Variants in FBXW12 observed in about 807,000 individuals in gnomAD.
FBXW12 encodes the protein F-box/WD repeat-containing protein 12.
In FBXW12, 43 loss-of-function variants were observed where a neutral mutation model predicts 55.3. The ratio of observed to expected loss-of-function variants is 0.78; its 90% CI spans 0.61 to 1.00. The LOEUF (loss-of-function observed/expected upper bound fraction) is 1.00. Among genes scored for constraint, FBXW12 ranks in the 50% least tolerant of loss-of-function variants. The probability of loss-of-function intolerance (pLI) is 0.00; values close to 1 mark genes in which losing one functional copy is unlikely to be tolerated. For missense variants in FBXW12, 524 were observed against 560.5 expected, an observed-to-expected ratio of 0.93 and a Z score of 0.66; for synonymous variants, 184 against 203.8, an observed-to-expected ratio of 0.90 and a Z score of 0.83.
intron 10 of FBXW12, among the ~76,000 whole-genome samples, chr3:48,386,600 A>C (rs2036851980): frequency 6.6e-6 from 1 of 152,190 alleles, no homozygotes; most frequent in Admixed American, 6.5e-5. Flanking sequence ...TTTTAACAAT[A>C]TTCTTCCAAT....
At position 48,379,439 on chromosome 3, in the gene FBXW12, C is replaced by A; in HGVS notation, c.655C>A (p.Pro219Thr). Residue 219 changes from proline to threonine, a missense_variant, in exon 7 of 11, where the codon CCT (proline) becomes ACT (threonine). Coordinates refer to ENST00000296438, the MANE Select transcript of FBXW12 (RefSeq NM_207102.2). ...AAGDIYTFTL[P>T]GLRDVSKVTA... Reference sequence around the variant, plus strand: ...AGGTGACATCTACACATTTACACTGCCTGGGTTAAGAGATGTTTCTAAAGT... The same window carrying A: ...AGGTGACATCTACACATTTACACTGACTGGGTTAAGAGATGTTTCTAAAGT... The A allele has an allele frequency of 6.2e-7, 1 of 1,614,100 alleles. No homozygotes were observed. The highest frequency in any genetic ancestry group is 8.5e-7 in the Non-Finnish European group (1 of 1,179,974).
At chr3:48,390,657 G>A (rs1332816462) in intron 10 of FBXW12, among the ~76,000 whole-genome samples, 2 of 151,272 alleles carry the variant, frequency 1.3e-5, no homozygotes, top group Non-Finnish European at 3.0e-5. Context: ...CAAGTGATCC[G>A]CCTGCCTCAG....
intron 10 of FBXW12, among the ~76,000 whole-genome samples, chr3:48,387,184 T>G (rs2036858658): frequency 6.6e-6 from 1 of 152,152 alleles, no homozygotes; most frequent in Non-Finnish European, 1.5e-5. Context: ...TTATCTATTT[T>G]ATGATGGGTG....
intron 2 of FBXW12, 50 bp from the exon 3 acceptor site, chr3:48,373,258 C>T (rs1462436718): frequency 6.2e-7 from 1 of 1,613,950 alleles, no homozygotes; most frequent in Non-Finnish European, 8.5e-7. Context: ...ATTACCCTTG[C>T]TCTCTGATGT....
intron 4 of FBXW12, 101 bp from the exon 5 acceptor site, chr3:48,375,253 A>G: frequency 1.3e-6 from 1 of 789,580 alleles, no homozygotes; most frequent in Non-Finnish European, 2.1e-6. Flanking sequence ...ATTGTTACCC[A>G]AACCTTCCTA....
intron 10 of FBXW12, among the ~76,000 whole-genome samples, chr3:48,387,361 T>C (rs1479548613): frequency 6.6e-6 from 1 of 152,108 alleles, no homozygotes; most frequent in Non-Finnish European, 1.5e-5. Flanking sequence ...GTTTTGGTTT[T>C]GGTTTTGTAT....
intron 7 of FBXW12, among the ~76,000 whole-genome samples, chr3:48,380,334 G>C (rs569654244): frequency 6.6e-6 from 1 of 152,158 alleles, no homozygotes; most frequent in Admixed American, 6.5e-5. Context: ...CTGGTGGACT[G>C]GGCACCAAAG....
chr3:48,385,957 C>T (rs1190118291), intron 10 of FBXW12, among the ~76,000 whole-genome samples: 1 of 152,080 alleles, frequency 6.6e-6, no homozygotes, highest in African/African-American at 2.4e-5. Flanking sequence ...TCTCCCATTC[C>T]ATAGATTGTC....
intron 10 of FBXW12, among the ~76,000 whole-genome samples, chr3:48,384,838 CAG>C (rs2036823237): frequency 6.6e-6 from 1 of 152,058 alleles, no homozygotes; most frequent in Non-Finnish European, 1.5e-5. Context: ...GTGGTCAGGA[CAG>C]AGTATCTTAT....
Position 48,375,390 on chromosome 3 carries a change from G to C in FBXW12, c.323G>C (p.Arg108Thr). Residue 108 changes from arginine (R) to threonine (T), a missense_variant, in exon 5 of 11, where the codon AGA becomes ACA. Arg to Thr is a moderately conservative substitution (Grantham distance 71, BLOSUM62 -1). Coordinates refer to ENST00000296438, the MANE Select transcript of FBXW12 (RefSeq NM_207102.2). ...GAGTTGGCTTATCTCTCAGGAAATA[G>C]ACTTACAGTGGATGAACAGGAGAAA... ...ETELAYLSGN[R>T]LTVDEQEKSI... 1 of 1,612,448 alleles carries C rather than the reference G, an allele frequency of 6.2e-7. No homozygotes were observed. The highest frequency in any genetic ancestry group is 8.5e-7 in the Non-Finnish European group (1 of 1,179,404).
At chr3:48,390,572 A>G (rs1355056735) in intron 10 of FBXW12, among the ~76,000 whole-genome samples, 4 of 151,142 alleles carry the variant, frequency 2.6e-5, no homozygotes, top group African/African-American at 9.7e-5. Context: ...GTGCCACCAC[A>G]CCTGGCCAAT....
In FBXW12 at chr3:48,391,306, ATATC is replaced by A. The variant is rs1314564220; in HGVS notation, c.1296-3246_1296-3243del. 4.4e-5 allele frequency among the ~76,000 whole-genome samples: 5 copies of A among 113,600 alleles called. No homozygotes were observed. The Admixed American group carries it at 5.3e-4, about 12-fold the overall frequency. The allele number at this position is 113,600 out of a possible 152,430, so 74.5% of individuals were successfully genotyped here. A position where few individuals can be genotyped will look rare whatever the true frequency, so the allele number is the denominator to read the frequency against. ...TGGGGGGATTTAAAAAATACATATT[ATATC>A]TATCTATACACACACACACACACAC... On this transcript the variant is annotated intron_variant, in intron 10 of 10. Coordinates refer to ENST00000296438, the MANE Select transcript of FBXW12 (RefSeq NM_207102.2).
chr3:48,388,042 C>A (rs943781301), intron 10 of FBXW12, among the ~76,000 whole-genome samples: 7 of 152,162 alleles, frequency 4.6e-5, no homozygotes, highest in Admixed American at 4.6e-4. Context: ...GAGCCATGGA[C>A]TATTCTAAAG....
Position 48,372,810 on chromosome 3 carries a change from T to C in FBXW12, c.43T>C (p.Ser15Pro), listed in dbSNP as rs772594682. ...LPDLALKRIF[S>P]FLDLFGLLQV... is the part of the protein sequence containing the mutation. ...TGACTTAGCTTTGAAGCGAATCTTC[T>C]CTTTCCTGGACCTGTTCGGCTTGCT... Residue 15 changes from serine to proline, a missense_variant, in exon 2 of 11, where the codon TCT becomes CCT. Transcript: ENST00000296438. 1.2e-6 allele frequency: 2 copies of C among 1,614,220 alleles called. No individual in the cohort carries two copies. Among genetic ancestry groups the C allele is most frequent in the South Asian group, 2.2e-5 (2 of 91,090 alleles).
chr3:48,373,474 T>C, intron 3 of FBXW12, 74 bp from the exon 4 acceptor site: 1 of 1,602,706 alleles, frequency 6.2e-7, no homozygotes, highest in South Asian at 1.1e-5. Context: ...GAGTAGGGGG[T>C]TGTGATATAA....
At chr3:48,376,350 A>G (rs781606086) in intron 5 of FBXW12, among the ~76,000 whole-genome samples, 1 of 152,158 alleles carries the variant, frequency 6.6e-6, no homozygotes, top group Non-Finnish European at 1.5e-5. Context: ...TACCAATAAC[A>G]TGGAATGCAT....
At chr3:48,375,532 A>G in intron 5 of FBXW12, 60 bp downstream of exon 5, 1 of 996,898 alleles carries the variant, frequency 1.0e-6, no homozygotes, top group East Asian at 2.6e-5. Flanking sequence ...TGTTCTATAT[A>G]TGAAACGGAA....
In FBXW12 at chr3:48,378,452, C is replaced by G; in HGVS notation, c.541C>G (p.Leu181Val). The G allele has an allele frequency of 1.2e-6, 2 of 1,614,122 alleles. No homozygotes were observed. Among genetic ancestry groups the G allele is most frequent in the Non-Finnish European group, 8.5e-7 (1 of 1,180,014 alleles). The change falls in exon 6 of 11, where the codon CTG becomes GTG. Residue 181 changes from leucine (L) to valine (V), a missense_variant. By Grantham distance (32) the Leu-to-Val change is conservative. Transcript: ENST00000296438. ...KVWNCQDRDA[L>V]AVLPMPQPCY... is the part of the protein sequence containing the mutation. ...GTGGAACTGTCAGGACAGGGACGCT[C>G]TGGCTGTTCTCCCCATGCCACAGCC...
At chr3:48,386,879 TTGA>T (rs1336910456) in intron 10 of FBXW12, among the ~76,000 whole-genome samples, 2 of 152,030 alleles carry the variant, frequency 1.3e-5, no homozygotes, top group Non-Finnish European at 2.9e-5. Flanking sequence ...AGTTTAATAC[TTGA>T]TGATTGTTGG....
Sources: allele counts gnomAD v4.1 joint callset (sites outside exome capture counted in the v4.1 genomes callset), GRCh38; gene constraint gnomAD v4.1.1; transcripts MANE v1.5; gene names NCBI Gene and HGNC (gene_info 2026-07-23, HGNC 2026-07-21).